Variants in IFIH1 observed in about 807,000 individuals in gnomAD.
The protein encoded by IFIH1 is interferon-induced helicase C domain-containing protein 1.
A neutral mutation model predicts 107.4 loss-of-function variants in IFIH1; 125 were observed. The observed-to-expected ratio is 1.16, with a 90% CI of 1.01 to 1.35. IFIH1 has a LOEUF of 1.35. Among genes scored for constraint, IFIH1 ranks in the 40% most tolerant of loss-of-function variants. The pLI, the probability that IFIH1 is intolerant of heterozygous loss-of-function variation, is 0.00. For missense variants in IFIH1, 1,333 were observed against 1,213.7 expected (o/e 1.10, Z -1.46); for synonymous variants, 458 against 413.2 (o/e 1.11, Z -1.31).
At chr2:162,288,917 G>GCACACACA (rs3051152) in intron 4 of IFIH1, among the ~76,000 whole-genome samples, 129 of 135,448 alleles carry the variant, frequency 9.5e-4, no homozygotes, top group African/African-American at 1.6e-3. Flanking sequence ...ATACCAAAAA[G>GCACACACA]CACACACACA....
chr2:162,272,349 G>A lies in IFIH1; in HGVS notation c.2493C>T (p.Val831=), dbSNP rs1304689008. The part of the protein sequence containing the change: ...GRARADESTY[V]LVAHSGSGVI... ...CTCCTGAACCACTGTGAGCAACCAG[G>A]ACGTAGGTGCTCTCATCAGCTCTGG... The change falls in exon 13 of 16, where the codon GTC becomes GTT. Residue 831 remains valine, a synonymous_variant. Coordinates refer to ENST00000649979, the MANE Select transcript of IFIH1 (RefSeq NM_022168.4). The A allele has an allele frequency of 5.6e-6, 9 of 1,613,438 alleles. No homozygotes were observed. Among genetic ancestry groups the A allele is most frequent in the South Asian group, 1.1e-5 (1 of 91,068 alleles).
Position 162,276,922 on chromosome 2 carries a change from AG to A in IFIH1, c.2068del (p.Leu690TrpfsTer12), listed in dbSNP as rs1558865663. 1.9e-6 allele frequency: 3 copies of A among 1,605,552 alleles called. No individual in the cohort carries two copies. Among genetic ancestry groups the A allele is most frequent in the Admixed American group, 3.4e-5 (2 of 58,062 alleles). On this transcript the variant is annotated frameshift_variant, in exon 11 of 16. Coordinates refer to ENST00000649979, the MANE Select transcript of IFIH1 (RefSeq NM_022168.4). LOFTEE classifies it high-confidence loss of function. The part of the protein sequence containing the change: ...FFENNKMLKR[L>X]AENPEYENEK... Reference sequence around the variant, plus strand: ...ATTTTCATATTCTGGGTTTTCAGCCAGCCTTTTCAACATTTTATTGTTTTCT... The same window carrying A: ...ATTTTCATATTCTGGGTTTTCAGCCACCTTTTCAACATTTTATTGTTTTCT...
At chr2:162,288,693 C>T (rs1682939782) in intron 4 of IFIH1, among the ~76,000 whole-genome samples, 1 of 151,780 alleles carries the variant, frequency 6.6e-6, no homozygotes, top group Admixed American at 6.6e-5. Flanking sequence ...ATTGGCAGGT[C>T]TAGTTGTTAA....
In IFIH1 at chr2:162,307,027, A is replaced by C. The variant is rs1010577798; in HGVS notation, c.623-172T>G. 4 of 553,630 alleles carry C rather than the reference A, an allele frequency of 7.2e-6. No homozygotes were observed. In the African/African-American group the frequency reaches 7.6e-5, roughly 10 times the overall value. The allele number at this position is 553,630 out of a possible 1,614,324, so 34.3% of individuals were successfully genotyped here. On this transcript the variant is annotated intron_variant, in intron 2 of 15. Transcript: ENST00000649979. Reference sequence around the variant, plus strand: ...AGAATGTAAATTGTATTGCAATGCAAGATTTTATACAATATAAATAGCTGT... The same window carrying C: ...AGAATGTAAATTGTATTGCAATGCACGATTTTATACAATATAAATAGCTGT...
At chr2:162,276,464 G>A (rs1257506708) in intron 11 of IFIH1, among the ~76,000 whole-genome samples, 1 of 152,060 alleles carries the variant, frequency 6.6e-6, no homozygotes, top group East Asian at 1.9e-4. Context: ...AATTAGTTGG[G>A]TGTGGTGGTG....
chr2:162,317,027 G>T (rs546972487), intron 1 of IFIH1, among the ~76,000 whole-genome samples: 2 of 151,896 alleles, frequency 1.3e-5, no homozygotes, highest in East Asian at 3.9e-4. Context: ...GTGTGTGTGT[G>T]TGTGTGTGTG....
intron 12 of IFIH1, 96 bp downstream of exon 12, chr2:162,273,699 A>G: frequency 2.1e-6 from 2 of 949,114 alleles, no homozygotes; most frequent in Non-Finnish European, 1.5e-6. Flanking sequence ...TTTAAAAACT[A>G]AAAAGATGTT....
chr2:162,268,358 G>A, intron 13 of IFIH1, 81 bp from the exon 14 acceptor site: 1 of 900,228 alleles, frequency 1.1e-6, no homozygotes, highest in Non-Finnish European at 1.7e-6. Flanking sequence ...CCTGAAATTT[G>A]GAGGTCTTAG....
At chr2:162,290,157 C>A (rs540048085) in intron 4 of IFIH1, among the ~76,000 whole-genome samples, 12 of 151,652 alleles carry the variant, frequency 7.9e-5, no homozygotes, top group African/African-American at 2.7e-4. Flanking sequence ...GGAATAAATC[C>A]TCTTTGTTTA....
In IFIH1 at chr2:162,277,676, G is replaced by T. The variant is rs191839015; in HGVS notation, c.1783C>A (p.Arg595Ser). Residue 595 changes from arginine to serine, a missense_variant, in exon 10 of 16, where the codon CGC becomes AGC. Arg to Ser is a moderately radical substitution (Grantham distance 110, BLOSUM62 -1). Coordinates refer to ENST00000649979, the MANE Select transcript of IFIH1 (RefSeq NM_022168.4). ...MEKKAAKEGNRKERVCAEHLR... is the reference protein window; with the variant it reads ...MEKKAAKEGNSKERVCAEHLR... Reference sequence around the variant, plus strand: ...TGTTCTGCACAAACACGTTCTTTGCGATTTCCTTCTTTTGCAGCTGTGAAA... The same window carrying T: ...TGTTCTGCACAAACACGTTCTTTGCTATTTCCTTCTTTTGCAGCTGTGAAA... 4.4e-6 allele frequency: 7 copies of T among 1,602,396 alleles called. No homozygotes were observed. In the African/African-American group the frequency reaches 9.4e-5, roughly 22 times the overall value.
chr2:162,278,436 T>C, intron 8 of IFIH1, 108 bp from the exon 9 acceptor site: 3 of 629,752 alleles, frequency 4.8e-6, no homozygotes, highest in Non-Finnish European at 5.1e-6. Context: ...TCATCTTTGT[T>C]TAGACAAAGT....
At position 162,314,425 on chromosome 2, in the gene IFIH1, TTTCTTTC is replaced by T. The variant is rs1558877496; in HGVS notation, c.453+3423_453+3429del. Among the ~76,000 whole-genome samples, 131 of 69,968 alleles carry T rather than the reference TTTCTTTC, an allele frequency of 1.9e-3. 7 individuals are homozygous for T. The highest frequency in any genetic ancestry group is 9.7e-3 in the East Asian group (15 of 1,542). 45.9% of individuals were successfully genotyped at this position (69,968 alleles called of 152,430 possible). On this transcript the variant is annotated intron_variant, in intron 1 of 15. Coordinates refer to ENST00000649979, the MANE Select transcript of IFIH1 (RefSeq NM_022168.4). The stretch of plus-strand genomic sequence containing the variant: ...TTTCTTTCTTTCTTTCTTTTCTTTC[TTTCTTTC>T]TTTCTTTCTTTCTTTCTTTCTTTCT...
intron 3 of IFIH1, among the ~76,000 whole-genome samples, chr2:162,299,772 G>A (rs1683159791): frequency 6.6e-6 from 1 of 152,164 alleles, no homozygotes; most frequent in African/African-American, 2.4e-5. Context: ...AAAAATTACT[G>A]TTAGAGAAAC....
intron 4 of IFIH1, among the ~76,000 whole-genome samples, chr2:162,292,024 T>C (rs1036962759): frequency 2.0e-5 from 3 of 151,848 alleles, no homozygotes; most frequent in Non-Finnish European, 4.4e-5. Flanking sequence ...TCATGCCACA[T>C]TGAGGACTAA....
rs1037971307 is a variant in IFIH1, at chr2:162,290,389, G to T, written c.875-2034C>A. 3.3e-5 allele frequency among the ~76,000 whole-genome samples: 5 copies of T among 151,696 alleles called. No individual in the cohort carries two copies. In the South Asian group the frequency reaches 1.0e-3, roughly 31 times the overall value. On this transcript the variant is annotated intron_variant, in intron 4 of 15. Coordinates refer to ENST00000649979, the MANE Select transcript of IFIH1 (RefSeq NM_022168.4). ...CCGAGAATCCAGAACCAAATCAAATGAGTAAAATATTAATATTACTCATGC... is the reference window on the plus strand; with the variant it reads ...CCGAGAATCCAGAACCAAATCAAATTAGTAAAATATTAATATTACTCATGC...
chr2:162,317,803 C>T, intron 1 of IFIH1, 52 bp downstream of exon 1: 1 of 1,456,046 alleles, frequency 6.9e-7, no homozygotes, highest in Non-Finnish European at 9.2e-7. Flanking sequence ...ACAAGGAAGC[C>T]TGCTTTGCAA....
At chr2:162,306,624 T>C (rs1576237326) in intron 3 of IFIH1, 85 bp downstream of exon 3, 1 of 931,474 alleles carries the variant, frequency 1.1e-6, no homozygotes, top group Non-Finnish European at 1.6e-6. Context: ...GCCCACATTT[T>C]CTCCCTCTGA....
intron 1 of IFIH1, among the ~76,000 whole-genome samples, 186 bp from the exon 2 acceptor site, chr2:162,311,119 G>A (rs527782990): frequency 3.5e-4 from 52 of 147,274 alleles, no homozygotes; most frequent in Non-Finnish European, 4.1e-4. Context: ...AAAAATCTCC[G>A]GGACAACAAC....
chr2:162,279,871 C>G, intron 8 of IFIH1, 125 bp downstream of exon 8: 1 of 666,578 alleles, frequency 1.5e-6, no homozygotes, highest in Non-Finnish European at 2.6e-6. Context: ...TAAAAAAAAA[C>G]CTGAAACTTG....
Sources: allele counts gnomAD v4.1 joint callset (sites outside exome capture counted in the v4.1 genomes callset), GRCh38; gene constraint gnomAD v4.1.1; transcripts MANE v1.5; gene names NCBI Gene and HGNC (gene_info 2026-07-23, HGNC 2026-07-21).